IL1RAPL2: variants seen among roughly 807,000 people sequenced by gnomAD.
IL1RAPL2 encodes the protein interleukin 1 receptor accessory protein like 2.
Under a neutral mutation model 44.1 loss-of-function variants are expected in IL1RAPL2, and 3 were observed. The ratio of observed to expected loss-of-function variants is 0.07; its 90% confidence interval spans 0.03 to 0.18. The LOEUF is 0.18. Ranked by LOEUF, IL1RAPL2 falls within the 10% of genes least tolerant of loss-of-function variation. The pLI is 1.00. For missense variants in IL1RAPL2, 391 were observed against 496.4 expected, an observed-to-expected ratio of 0.79 and a Z score of 2.02; for synonymous variants, 181 against 178.8, an observed-to-expected ratio of 1.01 and a Z score of -0.10.
At position 104,604,633 on chromosome X, in the gene IL1RAPL2, C is replaced by CAAAAAAAA. The variant is rs36050333; in HGVS notation, c.-20+37597_-20+37604dup. Among the ~76,000 whole-genome samples the CAAAAAAAA allele has an allele frequency of 1.7e-3, 54 of 31,027 alleles. 2 individuals are homozygous for CAAAAAAAA. Among genetic ancestry groups the CAAAAAAAA allele is most frequent in the East Asian group, 4.3e-3 (3 of 702 alleles). 26.9% of individuals were successfully genotyped at this position (31,027 alleles called of 115,157 possible). ...GAATATTTACTGAGGAAATGCATAGCAAAAAAAAAAAAAAAAAAAAAAGCA... is the reference window on the plus strand; with the variant it reads ...GAATATTTACTGAGGAAATGCATAGCAAAAAAAAAAAAAAAAAAAAAAAAAAAAAAGCA... On this transcript the variant is annotated intron_variant, in intron 1 of 10. Transcript: ENST00000372582.
intron 2 of IL1RAPL2, among the ~76,000 whole-genome samples, chrX:104,836,272 T>C (rs1251199395): frequency 1.8e-5 from 2 of 109,127 alleles, no homozygotes; most frequent in Non-Finnish European, 3.8e-5. Flanking sequence ...GGTAGGATAG[T>C]GGGGGGCTGT....
intron 2 of IL1RAPL2, among the ~76,000 whole-genome samples, chrX:104,911,848 C>T (rs1305104613): frequency 9.0e-6 from 1 of 111,701 alleles, no homozygotes; most frequent in Non-Finnish European, 1.9e-5. Context: ...GTTGCCACCT[C>T]AGAGAATTTA....
chrX:104,805,707 A>T (rs1932917824), intron 2 of IL1RAPL2, among the ~76,000 whole-genome samples: 1 of 112,160 alleles, frequency 8.9e-6, no homozygotes, highest in Admixed American at 9.5e-5. Flanking sequence ...GATAATAAAT[A>T]ATAATCACAA....
chrX:105,759,455 G>C (rs2038668726), intron 10 of IL1RAPL2, among the ~76,000 whole-genome samples: 1 of 111,904 alleles, frequency 8.9e-6, no homozygotes, highest in African/African-American at 3.2e-5. Flanking sequence ...ATCCCTATGT[G>C]AGTTGTTCAT....
intron 2 of IL1RAPL2, among the ~76,000 whole-genome samples, chrX:104,825,761 A>G (rs1214680303): frequency 8.9e-6 from 1 of 112,059 alleles, no homozygotes; most frequent in Non-Finnish European, 1.9e-5. Context: ...CTGCATAACA[A>G]ACCACCTGAA....
chrX:105,409,114 A>G, intron 5 of IL1RAPL2, among the ~76,000 whole-genome samples: 1 of 111,355 alleles, frequency 9.0e-6, no homozygotes, highest in Non-Finnish European at 1.9e-5. Context: ...CTACAAGCAT[A>G]TAGCTTAATA....
intron 2 of IL1RAPL2, among the ~76,000 whole-genome samples, chrX:104,768,193 A>G (rs1238973332): frequency 9.0e-6 from 1 of 111,437 alleles, no homozygotes; most frequent in Non-Finnish European, 1.9e-5. Flanking sequence ...AAGATACAAT[A>G]TATTGTTATA....
At chrX:105,383,164 T>C (rs1602386952) in intron 5 of IL1RAPL2, among the ~76,000 whole-genome samples, 1 of 109,664 alleles carries the variant, frequency 9.1e-6, no homozygotes, top group African/African-American at 3.3e-5. Context: ...AAAAAAAAAC[T>C]ATAGTTACTC....
chrX:104,650,491 A>G (rs985961627), intron 1 of IL1RAPL2, among the ~76,000 whole-genome samples: 4 of 111,295 alleles, frequency 3.6e-5, no homozygotes, highest in South Asian at 3.8e-4. Flanking sequence ...TCCTTGATCA[A>G]TGATGATATT....
At chrX:104,923,275 G>C (rs948154036) in intron 2 of IL1RAPL2, among the ~76,000 whole-genome samples, 2 of 111,973 alleles carry the variant, frequency 1.8e-5, no homozygotes, top group Non-Finnish European at 3.8e-5. Flanking sequence ...TCTTCCTAGA[G>C]ATGCAAACAC....
At chrX:104,735,127 G>A (rs1482210255) in intron 2 of IL1RAPL2, among the ~76,000 whole-genome samples, 6 of 111,437 alleles carry the variant, frequency 5.4e-5, no homozygotes, top group Non-Finnish European at 1.1e-4. Context: ...TAGGAAGAAA[G>A]GGATAACAAA....
intron 2 of IL1RAPL2, among the ~76,000 whole-genome samples, chrX:104,971,897 T>C (rs1198771475): frequency 3.6e-5 from 4 of 111,422 alleles, no homozygotes; most frequent in African/African-American, 1.3e-4. Context: ...CCTAAATTTT[T>C]GATGTACAAG....
At chrX:104,690,525 T>A (rs888759899) in intron 2 of IL1RAPL2, among the ~76,000 whole-genome samples, 58 of 112,472 alleles carry the variant, frequency 5.2e-4, no homozygotes, top group African/African-American at 1.8e-3. Flanking sequence ...TGGTAATGCA[T>A]AGGTAATTTG....
At chrX:104,968,979 CTGTGTGTGTGTGTGTGTGTGTG>C (rs35842489) in intron 2 of IL1RAPL2, among the ~76,000 whole-genome samples, 3 of 82,048 alleles carry the variant, frequency 3.7e-5, no homozygotes, top group African/African-American at 1.4e-4. Context: ...TTGCCTTTTG[CTGTGTGTGTGTGTGTGTGTGTG>C]TGTGTGTGTG....
intron 6 of IL1RAPL2, among the ~76,000 whole-genome samples, chrX:105,599,989 G>C (rs2037238900): frequency 9.0e-6 from 1 of 110,959 alleles, no homozygotes; most frequent in Non-Finnish European, 1.9e-5. Flanking sequence ...TTTAAAACTA[G>C]AATTTTTCTA....
chrX:105,319,156 T>C (rs2034877582), intron 5 of IL1RAPL2, among the ~76,000 whole-genome samples: 1 of 111,926 alleles, frequency 8.9e-6, no homozygotes, highest in Admixed American at 9.5e-5. Context: ...GCTTTTTCTT[T>C]CTGTGTTGGC....
chrX:105,460,044 C>A (rs967361356), intron 5 of IL1RAPL2, among the ~76,000 whole-genome samples: 27 of 111,063 alleles, frequency 2.4e-4, no homozygotes, highest in Non-Finnish European at 2.5e-4. Flanking sequence ...AGCAGATTGT[C>A]CAACAGCCAG....
intron 7 of IL1RAPL2, among the ~76,000 whole-genome samples, chrX:105,722,733 TTA>T (rs2038316449): frequency 9.0e-6 from 1 of 111,470 alleles, no homozygotes; most frequent in African/African-American, 3.3e-5. Context: ...AAAAAATACC[TTA>T]GACTGGGGTA....
chrX:105,456,302 G>T (rs1161274844), intron 5 of IL1RAPL2, among the ~76,000 whole-genome samples: 2 of 111,455 alleles, frequency 1.8e-5, no homozygotes, highest in Non-Finnish European at 3.8e-5. Flanking sequence ...CCTGTTTGGT[G>T]CTCTTTATTT....
Sources: allele counts gnomAD v4.1 joint callset (sites outside exome capture counted in the v4.1 genomes callset), GRCh38; gene constraint gnomAD v4.1.1; transcripts MANE v1.5; gene names NCBI Gene and HGNC (gene_info 2026-07-23, HGNC 2026-07-21).